The following ZBTB20 variants were observed in gnomAD, a reference collection of about 807,000 sequenced individuals.
The protein encoded by ZBTB20 is zinc finger and BTB domain-containing protein 20.
Under a neutral mutation model 56.9 loss-of-function variants are expected in ZBTB20, and 9 were observed. The ratio of observed to expected loss-of-function variants is 0.16; its 90% confidence interval spans 0.10 to 0.28. The LOEUF is 0.28. Ranked by LOEUF, ZBTB20 falls within the 10% of genes least tolerant of loss-of-function variation. The pLI is 1.00. For missense variants in ZBTB20, 655 were observed against 1,003.0 expected (o/e 0.65, Z 4.69); for synonymous variants, 417 against 420.7 (o/e 0.99, Z 0.11).
intron 1 of ZBTB20, among the ~76,000 whole-genome samples, chr3:115,108,383 TG>T (rs1440512051): frequency 6.6e-6 from 1 of 152,156 alleles, no homozygotes; most frequent in African/African-American, 2.4e-5. Context: ...GAATATTTCT[TG>T]TGGGGTTAAA....
At chr3:114,773,061 C>A (rs1200347157) in intron 5 of ZBTB20, among the ~76,000 whole-genome samples, 3 of 152,148 alleles carry the variant, frequency 2.0e-5, no homozygotes, top group African/African-American at 7.2e-5. Context: ...AGCACACATG[C>A]AAGGATCTAA....
At chr3:115,023,772 T>C (rs1168423456) in intron 2 of ZBTB20, among the ~76,000 whole-genome samples, 1 of 150,876 alleles carries the variant, frequency 6.6e-6, no homozygotes. Context: ...ACTACACTAC[T>C]GGTGTACTCA....
chr3:114,889,802 T>C (rs564714691), intron 4 of ZBTB20, among the ~76,000 whole-genome samples: 1 of 152,186 alleles, frequency 6.6e-6, no homozygotes, highest in South Asian at 2.1e-4. Flanking sequence ...AATGCTCTAC[T>C]CAAGGTGTAG....
intron 1 of ZBTB20, among the ~76,000 whole-genome samples, chr3:115,096,057 G>A (rs2083369928): frequency 6.6e-6 from 1 of 152,164 alleles, no homozygotes; most frequent in African/African-American, 2.4e-5. Context: ...TTGGTGTAAA[G>A]TATCAAATGT....
chr3:114,653,738 A>G (rs1428428614), intron 6 of ZBTB20, among the ~76,000 whole-genome samples: 2 of 151,958 alleles, frequency 1.3e-5, no homozygotes, highest in Non-Finnish European at 2.9e-5. Flanking sequence ...CTCCAGGGAA[A>G]CTATCTAAAC....
rs1164681029 is a variant in ZBTB20 at position 114,324,682 on chromosome 3, T to C, written c.*14323A>G. ...CAAAATTAAGAGTCTGCATTGTACC[T>C]CTTCTTGTGTTATTCCATAAGAAGA... On this transcript the variant is annotated 3_prime_UTR_variant, in exon 12 of 12. Coordinates refer to ENST00000675478, the MANE Select transcript of ZBTB20 (RefSeq NM_001348800.3). 6.6e-6 allele frequency: 1 copy of C among 152,216 alleles called. No individual in the cohort carries two copies. The highest frequency in any genetic ancestry group is 1.5e-5 in the Non-Finnish European group (1 of 68,030). 9.4% of individuals were successfully genotyped at this position (152,216 alleles called of 1,614,324 possible). A position where few individuals can be genotyped will look rare whatever the true frequency, so the allele number is the denominator to read the frequency against.
intron 1 of ZBTB20, among the ~76,000 whole-genome samples, chr3:115,092,174 A>G (rs2083222253): frequency 6.6e-6 from 1 of 152,132 alleles, no homozygotes; most frequent in Admixed American, 6.6e-5. Flanking sequence ...AGACTAAAAC[A>G]TATTATAGAA....
chr3:114,812,304 G>A (rs1392866861), intron 4 of ZBTB20, among the ~76,000 whole-genome samples: 5 of 152,012 alleles, frequency 3.3e-5, no homozygotes, highest in Non-Finnish European at 7.4e-5. Context: ...TAGACACAAA[G>A]GTTCTCCACA....
intron 6 of ZBTB20, among the ~76,000 whole-genome samples, chr3:114,573,653 T>G (rs1577672545): frequency 6.6e-6 from 1 of 151,782 alleles, no homozygotes; most frequent in East Asian, 1.9e-4. Context: ...GCTAATCACT[T>G]AAGGCAAAGG....
intron 5 of ZBTB20, among the ~76,000 whole-genome samples, chr3:114,713,755 TTA>T (rs1389844818): frequency 6.6e-6 from 1 of 152,164 alleles, no homozygotes; most frequent in African/African-American, 2.4e-5. Flanking sequence ...TCCATTTCTT[TTA>T]TGTCTTTTAA....
Position 114,338,142 on chromosome 3 carries a change from T to C in ZBTB20, c.*863A>G, listed in dbSNP as rs1165022602. On this transcript the variant is annotated 3_prime_UTR_variant, in exon 12 of 12. Coordinates refer to ENST00000675478, the MANE Select transcript of ZBTB20 (RefSeq NM_001348800.3). Reference sequence around the variant, plus strand: ...TTGGAAATAATCCTTCTCTTGTACCTAGAAACATAGGTGCAAATTTCTGAT... The same window carrying C: ...TTGGAAATAATCCTTCTCTTGTACCCAGAAACATAGGTGCAAATTTCTGAT... 2 of 151,804 alleles carry C rather than the reference T, an allele frequency of 1.3e-5. No individual in the cohort carries two copies. Among genetic ancestry groups the C allele is most frequent in the Non-Finnish European group, 2.9e-5 (2 of 67,978 alleles). 9.4% of individuals were successfully genotyped at this position (151,804 alleles called of 1,614,324 possible).
chr3:114,470,700 A>G (rs765689497), intron 7 of ZBTB20, among the ~76,000 whole-genome samples: 1 of 152,110 alleles, frequency 6.6e-6, no homozygotes, highest in Non-Finnish European at 1.5e-5. Context: ...AAGTGGTAGA[A>G]TTTGCATGCA....
At chr3:114,591,095 A>T (rs1189556136) in intron 6 of ZBTB20, among the ~76,000 whole-genome samples, 1 of 152,152 alleles carries the variant, frequency 6.6e-6, no homozygotes, top group Non-Finnish European at 1.5e-5. Context: ...TTTCCAAGAT[A>T]AAAAAAGTCA....
intron 6 of ZBTB20, among the ~76,000 whole-genome samples, chr3:114,623,925 G>A (rs186117410): frequency 1.3e-5 from 2 of 152,306 alleles, no homozygotes; most frequent in Admixed American, 1.3e-4. Context: ...TCAAGGCTCT[G>A]CCATTGTCCG....
intron 1 of ZBTB20, among the ~76,000 whole-genome samples, chr3:115,081,149 A>AAC (rs2082782230): frequency 4.6e-5 from 7 of 152,306 alleles, no homozygotes; most frequent in Admixed American, 4.6e-4. Flanking sequence ...ACTGGGTATT[A>AAC]AAGGCAAATA....
At chr3:114,961,204 G>GT (rs755775653) in intron 3 of ZBTB20, among the ~76,000 whole-genome samples, 4,825 of 142,930 alleles carry the variant, frequency 0.034, 91 homozygotes, top group South Asian at 0.044. Context: ...CACCATACTC[G>GT]TTTTTTTTTT....
At chr3:114,609,905 C>T (rs1038612429) in intron 6 of ZBTB20, among the ~76,000 whole-genome samples, 2 of 152,272 alleles carry the variant, frequency 1.3e-5, no homozygotes, top group East Asian at 1.9e-4. Context: ...TCTATCTCTG[C>T]TAGCCACAAG....
intron 1 of ZBTB20, among the ~76,000 whole-genome samples, chr3:115,097,979 T>C (rs149789549): frequency 5.5e-4 from 84 of 152,374 alleles, no homozygotes; most frequent in African/African-American, 2.0e-3. Context: ...AGAAAACATA[T>C]ACACATTCTA....
At chr3:114,733,808 A>C (rs1395729183) in intron 5 of ZBTB20, among the ~76,000 whole-genome samples, 3 of 152,150 alleles carry the variant, frequency 2.0e-5, no homozygotes, top group Non-Finnish European at 2.9e-5. Flanking sequence ...ACTGAGACTG[A>C]TATTTGGACT....
Sources: allele counts gnomAD v4.1 joint callset (sites outside exome capture counted in the v4.1 genomes callset), GRCh38; gene constraint gnomAD v4.1.1; transcripts MANE v1.5; gene names NCBI Gene and HGNC (gene_info 2026-07-23, HGNC 2026-07-21).